The following RAB7A variants were observed in gnomAD, a reference collection of about 807,000 sequenced individuals.
The protein encoded by RAB7A is RAB7A, member RAS oncogene family.
A neutral mutation model predicts 24.5 loss-of-function variants in RAB7A; 2 were observed. The ratio of observed to expected loss-of-function variants is 0.08; its 90% confidence interval spans 0.03 to 0.26. The LOEUF (loss-of-function observed/expected upper bound fraction) is 0.26. RAB7A is among the 10% of genes least tolerant of loss of function. RAB7A has a pLI of 1.00. For synonymous variants in RAB7A, 100 were observed against 95.9 expected, an observed-to-expected ratio of 1.04 and a Z score of -0.25; for missense variants, 118 against 255.7, an observed-to-expected ratio of 0.46 and a Z score of 3.67.
intron 1 of RAB7A, among the ~76,000 whole-genome samples, chr3:128,761,318 TC>T (rs1212809694): frequency 6.6e-6 from 1 of 152,222 alleles, no homozygotes; most frequent in Non-Finnish European, 1.5e-5. Flanking sequence ...TCATACATAG[TC>T]ATTGTTTTAA....
intron 4 of RAB7A, 23 bp downstream of exon 4, chr3:128,806,613 A>G (rs1353655167): frequency 2.5e-6 from 4 of 1,597,904 alleles, no homozygotes; most frequent in Non-Finnish European, 3.4e-6. Context: ...GATGATAGAT[A>G]TTGTCACAGA....
In RAB7A at chr3:128,726,759, C is replaced by T. The variant is rs559952432; in HGVS notation, c.-9+400C>T. Among the ~76,000 whole-genome samples the T allele has an allele frequency of 7.4e-4, 113 of 152,312 alleles. 1 individual carries two copies. The highest frequency in any genetic ancestry group is 1.9e-3 in the South Asian group (9 of 4,834). On this transcript the variant is annotated intron_variant, in intron 1 of 5. Coordinates refer to ENST00000265062, the MANE Select transcript of RAB7A (RefSeq NM_004637.6). ...CACGCCGCCCGCCGCCGTGCCCACCCGGCGGGCATGGGTCACAGGCGCTGG... is the reference window on the plus strand; with the variant it reads ...CACGCCGCCCGCCGCCGTGCCCACCTGGCGGGCATGGGTCACAGGCGCTGG...
At chr3:128,728,649 A>T (rs2107580029) in intron 1 of RAB7A, among the ~76,000 whole-genome samples, 1 of 152,122 alleles carries the variant, frequency 6.6e-6, no homozygotes, top group Non-Finnish European at 1.5e-5. Context: ...TTTAGTAGAG[A>T]CAGGTTTTCT....
At chr3:128,787,656 C>T (rs916059911) in intron 1 of RAB7A, among the ~76,000 whole-genome samples, 2 of 152,202 alleles carry the variant, frequency 1.3e-5, no homozygotes, top group East Asian at 1.9e-4. Context: ...TGCAGTCAAT[C>T]GTGGTCTGAA....
intron 1 of RAB7A, among the ~76,000 whole-genome samples, chr3:128,758,215 T>C (rs2070745771): frequency 6.6e-6 from 1 of 151,894 alleles, no homozygotes; most frequent in South Asian, 2.1e-4. Context: ...CTTCCTGCCC[T>C]AGCCTGTCAA....
intron 1 of RAB7A, among the ~76,000 whole-genome samples, chr3:128,770,441 A>G (rs1057025914): frequency 6.6e-6 from 1 of 152,198 alleles, no homozygotes; most frequent in African/African-American, 2.4e-5. Context: ...TAACATATCT[A>G]GGAAATCCTT....
intron 1 of RAB7A, among the ~76,000 whole-genome samples, chr3:128,757,446 A>G (rs534911202): frequency 2.0e-5 from 3 of 152,290 alleles, no homozygotes; most frequent in African/African-American, 7.2e-5. Flanking sequence ...AGCTAGAAGT[A>G]CAGGCGAGGC....
chr3:128,795,246 C>G, intron 1 of RAB7A, 114 bp from the exon 2 acceptor site: 1 of 853,596 alleles, frequency 1.2e-6, no homozygotes, highest in Non-Finnish European at 2.0e-6. Flanking sequence ...AGATACCTAG[C>G]AGGAAGGTTC....
intron 1 of RAB7A, 154 bp from the exon 2 acceptor site, chr3:128,795,206 G>GT (rs1933540434): frequency 1.4e-6 from 1 of 717,990 alleles, no homozygotes; most frequent in Non-Finnish European, 2.6e-6. Context: ...GAGTGATACT[G>GT]TTTTTTATCA....
rs75891044 is a variant in RAB7A at position 128,786,848 on chromosome 3, C to G, written c.-8-8512C>G. The stretch of plus-strand genomic sequence containing the variant: ...TGACAGAGTGTATATGTAGGTTCAT[C>G]TCATCATAATTGAAAACAATGCATA... On this transcript the variant is annotated intron_variant, in intron 1 of 5. Coordinates refer to ENST00000265062, the MANE Select transcript of RAB7A (RefSeq NM_004637.6). 2.0e-3 allele frequency among the ~76,000 whole-genome samples: 307 copies of G among 152,246 alleles called. 1 individual carries two copies. Among genetic ancestry groups the G allele is most frequent in the African/African-American group, 7.0e-3 (291 of 41,526 alleles).
intron 1 of RAB7A, among the ~76,000 whole-genome samples, chr3:128,784,928 A>G (rs1933304686): frequency 1.3e-5 from 2 of 150,460 alleles, no homozygotes; most frequent in South Asian, 4.2e-4. Context: ...GGGGCTTAAG[A>G]GTTCTATTCA....
chr3:128,768,166 A>G (rs1018888347), intron 1 of RAB7A, among the ~76,000 whole-genome samples: 1 of 152,292 alleles, frequency 6.6e-6, no homozygotes, highest in Admixed American at 6.5e-5. Flanking sequence ...TGGGATCTGT[A>G]TATATACTTT....
intron 1 of RAB7A, among the ~76,000 whole-genome samples, chr3:128,761,218 G>A (rs73198822): frequency 0.041 from 6,300 of 152,188 alleles, 177 homozygotes; most frequent in Non-Finnish European, 0.058. Flanking sequence ...TATCCTCTTT[G>A]GGAAGCGTTC....
intron 1 of RAB7A, among the ~76,000 whole-genome samples, chr3:128,729,720 A>C: frequency 6.6e-6 from 1 of 152,168 alleles, no homozygotes; most frequent in East Asian, 1.9e-4. Flanking sequence ...CTGGCATTTG[A>C]CACAAATATT....
intron 1 of RAB7A, chr3:128,748,836 A>G (rs770606979): frequency 3.3e-5 from 5 of 152,190 alleles, no homozygotes; most frequent in Non-Finnish European, 5.9e-5. Flanking sequence ...TTCCCGTAAC[A>G]TATCTCGTCT....
Position 128,795,203 on chromosome 3 carries a change from A to T in RAB7A, c.-8-157A>T. The T allele has an allele frequency of 9.9e-6, 7 of 703,760 alleles. No homozygotes were observed. In the South Asian group the frequency reaches 1.1e-4, roughly 11 times the overall value. 43.6% of individuals were successfully genotyped at this position (703,760 alleles called of 1,614,324 possible). On this transcript the variant is annotated intron_variant, in intron 1 of 5. Coordinates refer to ENST00000265062, the MANE Select transcript of RAB7A (RefSeq NM_004637.6). ...TGGGTCCAGAGTTTTGGTGAGTGATACTGTTTTTTATCAGTGCCCCCTGGT... is the reference window on the plus strand; with the variant it reads ...TGGGTCCAGAGTTTTGGTGAGTGATTCTGTTTTTTATCAGTGCCCCCTGGT...
intron 3 of RAB7A, among the ~76,000 whole-genome samples, chr3:128,805,191 T>C (rs1478196515): frequency 1.3e-5 from 2 of 152,202 alleles, no homozygotes; most frequent in Non-Finnish European, 2.9e-5. Flanking sequence ...ACATATTCCA[T>C]GTAGAACATT....
chr3:128,783,842 T>C (rs1398990622), intron 1 of RAB7A, among the ~76,000 whole-genome samples: 1 of 152,258 alleles, frequency 6.6e-6, no homozygotes, highest in Non-Finnish European at 1.5e-5. Flanking sequence ...CAGTTATTTT[T>C]AACATGCTGA....
chr3:128,783,693 C>A (rs186554676), intron 1 of RAB7A, among the ~76,000 whole-genome samples: 104 of 152,318 alleles, frequency 6.8e-4, no homozygotes, highest in Admixed American at 3.1e-3. Flanking sequence ...GCGCCACCCC[C>A]CTGATGCTTA....
Sources: allele counts gnomAD v4.1 joint callset (sites outside exome capture counted in the v4.1 genomes callset), GRCh38; gene constraint gnomAD v4.1.1; transcripts MANE v1.5; gene names NCBI Gene and HGNC (gene_info 2026-07-23, HGNC 2026-07-21).